SUPT3H: variants seen among roughly 807,000 people sequenced by gnomAD.
The protein encoded by SUPT3H is transcription initiation protein SPT3 homolog.
Under a neutral mutation model 44.3 loss-of-function variants are expected in SUPT3H, and 44 were observed. The observed-to-expected ratio is 0.99, with a 90% CI of 0.78 to 1.28. The LOEUF (loss-of-function observed/expected upper bound fraction) is 1.28, where lower values mean the gene tolerates loss of function less well. Ranked by LOEUF, SUPT3H falls within the 50% of genes most tolerant of loss-of-function variation. SUPT3H has a pLI of 0.00. For synonymous variants in SUPT3H, 124 were observed against 125.6 expected (o/e 0.99, Z 0.09); for missense variants, 380 against 387.1 (o/e 0.98, Z 0.15).
intron 2 of SUPT3H, among the ~76,000 whole-genome samples, chr6:45,264,952 C>G (rs1775013267): frequency 6.6e-6 from 1 of 152,024 alleles, no homozygotes; most frequent in Non-Finnish European, 1.5e-5. Context: ...GGATAAACAT[C>G]TATTAAAGGA....
chr6:45,094,448 A>G (rs1797535463), intron 3 of SUPT3H, among the ~76,000 whole-genome samples: 1 of 152,158 alleles, frequency 6.6e-6, no homozygotes, highest in Non-Finnish European at 1.5e-5. Flanking sequence ...AAATTCTGTG[A>G]CACTGAAGTA....
chr6:45,158,511 G>A (rs1808389495), intron 2 of SUPT3H, among the ~76,000 whole-genome samples: 1 of 151,346 alleles, frequency 6.6e-6, no homozygotes, highest in Non-Finnish European at 1.5e-5. Flanking sequence ...CTAAGTTCTG[G>A]GTTGACTCCA....
At chr6:45,344,970 G>A (rs1262068624) in intron 2 of SUPT3H, among the ~76,000 whole-genome samples, 1 of 152,144 alleles carries the variant, frequency 6.6e-6, no homozygotes, top group Admixed American at 6.5e-5. Flanking sequence ...TCATTCTGGT[G>A]AGTTTAGAAA....
chr6:44,999,933 G>A (rs971644075), intron 6 of SUPT3H, among the ~76,000 whole-genome samples: 1 of 151,836 alleles, frequency 6.6e-6, no homozygotes, highest in Non-Finnish European at 1.5e-5. Flanking sequence ...GGGTTTGTAT[G>A]ATATACCTCT....
intron 6 of SUPT3H, among the ~76,000 whole-genome samples, chr6:44,963,128 TTC>T (rs1233924388): frequency 3.3e-5 from 5 of 151,760 alleles, no homozygotes; most frequent in Admixed American, 6.6e-5. Context: ...ACACATAAAT[TTC>T]TTTTTTTATA....
chr6:45,115,293 T>C (rs1291992243), intron 2 of SUPT3H, among the ~76,000 whole-genome samples: 1 of 152,122 alleles, frequency 6.6e-6, no homozygotes, highest in Non-Finnish European at 1.5e-5. Flanking sequence ...GAGAATTTTG[T>C]ACCATCAGAT....
chr6:45,131,421 G>T (rs2153584439), intron 2 of SUPT3H, among the ~76,000 whole-genome samples: 1 of 152,054 alleles, frequency 6.6e-6, no homozygotes, highest in Non-Finnish European at 1.5e-5. Context: ...AAGCCTATAT[G>T]TAACCACTGT....
chr6:45,263,651 G>A (rs934197422), intron 2 of SUPT3H, among the ~76,000 whole-genome samples: 4 of 152,048 alleles, frequency 2.6e-5, no homozygotes, highest in African/African-American at 9.7e-5. Flanking sequence ...GAGGAAAAAG[G>A]CTATCATTTG....
At position 45,167,482 on chromosome 6, in the gene SUPT3H, G is replaced by A. The variant is rs1810078662; in HGVS notation, c.102-61476C>T. On this transcript the variant is annotated intron_variant, in intron 2 of 10. Transcript: ENST00000371459. ...AGAAACCTTTTTGAAGTAATTTTTG[G>A]TAGTAAGGCCAATTGAAGGCCAATT... is the stretch of plus-strand genomic sequence containing the variant. 2.0e-5 allele frequency among the ~76,000 whole-genome samples: 3 copies of A among 152,270 alleles called. No homozygotes were observed. The South Asian group carries it at 6.2e-4, about 32-fold the overall frequency.
intron 10 of SUPT3H, among the ~76,000 whole-genome samples, chr6:44,913,103 C>T (rs1232046357): frequency 1.3e-5 from 2 of 152,182 alleles, no homozygotes; most frequent in African/African-American, 4.8e-5. Context: ...CAGAGAATTG[C>T]ATTTCCTGAT....
At chr6:45,179,676 C>A (rs1379275324) in intron 2 of SUPT3H, among the ~76,000 whole-genome samples, 1 of 152,158 alleles carries the variant, frequency 6.6e-6, no homozygotes, top group East Asian at 1.9e-4. Context: ...CAAAATTCAA[C>A]AACGCTTCAT....
chr6:44,889,404 G>A (rs1474591668), intron 10 of SUPT3H, among the ~76,000 whole-genome samples: 1 of 152,116 alleles, frequency 6.6e-6, no homozygotes, highest in Non-Finnish European at 1.5e-5. Context: ...GCATGGTACT[G>A]GTACCAAAAC....
intron 2 of SUPT3H, among the ~76,000 whole-genome samples, chr6:45,154,943 G>C (rs922561955): frequency 2.6e-5 from 4 of 152,086 alleles, no homozygotes; most frequent in Admixed American, 6.6e-5. Flanking sequence ...TGATAATATG[G>C]ACAGTCAGTA....
chr6:44,950,541 G>T (rs1582701661), intron 9 of SUPT3H, among the ~76,000 whole-genome samples: 1 of 152,164 alleles, frequency 6.6e-6, no homozygotes, highest in Non-Finnish European at 1.5e-5. Flanking sequence ...GAGTCCAGGA[G>T]ATCAAGGCTG....
intron 2 of SUPT3H, among the ~76,000 whole-genome samples, chr6:45,229,707 A>G (rs528718835): frequency 4.6e-5 from 7 of 152,146 alleles, no homozygotes; most frequent in Non-Finnish European, 8.8e-5. Flanking sequence ...TCTTTTATTA[A>G]TACATAATAA....
intron 1 of SUPT3H, among the ~76,000 whole-genome samples, chr6:45,367,658 C>A (rs950704404): frequency 1.3e-5 from 2 of 152,146 alleles, no homozygotes; most frequent in Non-Finnish European, 2.9e-5. Context: ...TAAGTAGTAA[C>A]CCCAGCCTCC....
At chr6:45,115,106 T>C (rs1403785014) in intron 2 of SUPT3H, among the ~76,000 whole-genome samples, 1 of 152,148 alleles carries the variant, frequency 6.6e-6, no homozygotes, top group East Asian at 1.9e-4. Flanking sequence ...CTCATAGTCA[T>C]AGAGGACTTT....
At chr6:44,909,601 G>A (rs534335282) in intron 10 of SUPT3H, among the ~76,000 whole-genome samples, 12 of 152,108 alleles carry the variant, frequency 7.9e-5, no homozygotes, top group Non-Finnish European at 1.6e-4. Flanking sequence ...TCCTATGTAC[G>A]AAGACTGTTC....
rs556246096 is a variant in SUPT3H at position 44,978,743 on chromosome 6, TCCA to T, written c.505-16918_505-16916del. 8.5e-4 allele frequency among the ~76,000 whole-genome samples: 130 copies of T among 152,188 alleles called. 1 individual carries two copies. Among genetic ancestry groups the T allele is most frequent in the African/African-American group, 3.0e-3 (125 of 41,516 alleles). On this transcript the variant is annotated intron_variant, in intron 6 of 10. Coordinates refer to ENST00000371459, the MANE Select transcript of SUPT3H (RefSeq NM_003599.4). ...ATTGAGTAAGAAGCAACATGAAGGA[TCCA>T]CATGGGAGGACTAGGGTGAGGGTGA... is the stretch of plus-strand genomic sequence containing the variant.
Sources: allele counts gnomAD v4.1 joint callset (sites outside exome capture counted in the v4.1 genomes callset), GRCh38; gene constraint gnomAD v4.1.1; transcripts MANE v1.5; gene names NCBI Gene and HGNC (gene_info 2026-07-23, HGNC 2026-07-21).